The following TNFRSF21 variants were observed in gnomAD, a reference collection of about 807,000 sequenced individuals.
TNFRSF21 encodes TNF receptor superfamily member 21.
A neutral mutation model predicts 45.6 loss-of-function variants in TNFRSF21; 19 were observed. The ratio of observed to expected loss-of-function variants is 0.42; its 90% CI spans 0.29 to 0.61. TNFRSF21 has a LOEUF of 0.61. Ranked by LOEUF, TNFRSF21 falls within the 20% of genes least tolerant of loss-of-function variation. The pLI is 0.23. For missense variants in TNFRSF21, 737 were observed against 851.5 expected, an observed-to-expected ratio of 0.87 and a Z score of 1.67; for synonymous variants, 314 against 335.5, an observed-to-expected ratio of 0.94 and a Z score of 0.70.
In TNFRSF21 at chr6:47,254,509, A is replaced by C. The variant is rs552365534; in HGVS notation, c.1244-988T>G. Among the ~76,000 whole-genome samples the C allele has an allele frequency of 3.3e-5, 5 of 152,328 alleles. No individual in the cohort carries two copies. In the East Asian group the frequency reaches 7.7e-4, roughly 24 times the overall value. ...AGTAAGTTAGAGGCTCCCATCTAAAAACATGGTGACTTCATGACATTTAGA... is the reference window on the plus strand; with the variant it reads ...AGTAAGTTAGAGGCTCCCATCTAAACACATGGTGACTTCATGACATTTAGA... On this transcript the variant is annotated intron_variant, in intron 3 of 5. Coordinates refer to ENST00000296861, the MANE Select transcript of TNFRSF21 (RefSeq NM_014452.5).
intron 3 of TNFRSF21, among the ~76,000 whole-genome samples, chr6:47,266,570 G>A (rs770106983): frequency 1.2e-4 from 19 of 152,058 alleles, no homozygotes; most frequent in South Asian, 6.2e-4. Context: ...GTTAAGCAGC[G>A]TTATTTCCCC....
chr6:47,279,355 T>C (rs1762536739), intron 3 of TNFRSF21, among the ~76,000 whole-genome samples: 2 of 152,224 alleles, frequency 1.3e-5, no homozygotes, highest in South Asian at 4.1e-4. Context: ...AATTGGTTTC[T>C]GTTCTCAGCT....
chr6:47,303,135 C>T lies in TNFRSF21; in HGVS notation c.96+6281G>A, dbSNP rs1242223688. Among the ~76,000 whole-genome samples, 3 of 152,194 alleles carry T rather than the reference C, an allele frequency of 2.0e-5. 1 individual carries two copies. Among genetic ancestry groups the T allele is most frequent in the Non-Finnish European group, 4.4e-5 (3 of 68,044 alleles). Reference sequence around the variant, plus strand: ...TTTGATTCCTGGACTCATGGACTCACTCCTCTCCACTCTCCTAAATCCATT... The same window carrying T: ...TTTGATTCCTGGACTCATGGACTCATTCCTCTCCACTCTCCTAAATCCATT... On this transcript the variant is annotated intron_variant, in intron 1 of 5. Transcript: ENST00000296861.
At chr6:47,243,890 G>A (rs1466663906) in intron 4 of TNFRSF21, among the ~76,000 whole-genome samples, 1 of 151,206 alleles carries the variant, frequency 6.6e-6, no homozygotes, top group Non-Finnish European at 1.5e-5. Flanking sequence ...TCACTCTTTT[G>A]CTATTACACA....
At chr6:47,306,058 G>T (rs960146408) in intron 1 of TNFRSF21, among the ~76,000 whole-genome samples, 1 of 152,196 alleles carries the variant, frequency 6.6e-6, no homozygotes, top group African/African-American at 2.4e-5. Flanking sequence ...TGGAAGGTAA[G>T]CTTAGATTCT....
chr6:47,254,808 A>G (rs1764956245), intron 3 of TNFRSF21, among the ~76,000 whole-genome samples: 1 of 152,246 alleles, frequency 6.6e-6, no homozygotes, highest in African/African-American at 2.4e-5. Context: ...AATAGCTATT[A>G]TCTTCCAGGT....
Position 47,256,304 on chromosome 6 carries a change from G to A in TNFRSF21, c.1244-2783C>T, listed in dbSNP as rs865913750. ...TTTGGGAGGTTGAGGCAGGTGGATC[G>A]CTTGAGTCCAGGAGTTTGAGACCAG... On this transcript the variant is annotated intron_variant, in intron 3 of 5. Transcript: ENST00000296861. Among the ~76,000 whole-genome samples the A allele has an allele frequency of 9.2e-5, 14 of 152,242 alleles. No individual in the cohort carries two copies. The East Asian group carries it at 1.6e-3, about 17-fold the overall frequency.
At chr6:47,233,585 T>C (rs1057010918) in intron 5 of TNFRSF21, among the ~76,000 whole-genome samples, 1 of 151,862 alleles carries the variant, frequency 6.6e-6, no homozygotes, top group Non-Finnish European at 1.5e-5. Context: ...ATACCTTACA[T>C]TGGGATGAGG....
intron 1 of TNFRSF21, among the ~76,000 whole-genome samples, chr6:47,298,847 A>T (rs961834831): frequency 6.6e-6 from 1 of 152,228 alleles, no homozygotes; most frequent in Non-Finnish European, 1.5e-5. Context: ...TCAGAAAGGC[A>T]CAATCAATAT....
chr6:47,267,602 T>A (rs1762354149), intron 3 of TNFRSF21, among the ~76,000 whole-genome samples: 1 of 152,176 alleles, frequency 6.6e-6, no homozygotes, highest in South Asian at 2.1e-4. Flanking sequence ...TCTCCATGAA[T>A]GCTCCAGTAT....
In TNFRSF21 at chr6:47,234,701, C is replaced by T. The variant is rs756601693; in HGVS notation, c.1707G>A (p.Ala569=). 3 of 1,610,608 alleles carry T rather than the reference C, an allele frequency of 1.9e-6. No homozygotes were observed. The highest frequency in any genetic ancestry group is 2.5e-6 in the Non-Finnish European group (3 of 1,178,534). Residue 569 remains alanine, a synonymous_variant, in exon 5 of 6, where the codon GCG becomes GCA. Transcript: ENST00000296861. The part of the protein sequence containing the change: ...RCDSTSSGSS[A]LSRNGSFITK... The stretch of plus-strand genomic sequence containing the variant: ...TAATAAAGGAACCGTTCCTGCTCAG[C>T]GCGGAGGAGCCGCTGGATGTAGAGT...
At chr6:47,295,923 A>C (rs758450841) in intron 1 of TNFRSF21, among the ~76,000 whole-genome samples, 22 of 152,226 alleles carry the variant, frequency 1.4e-4, no homozygotes, top group Non-Finnish European at 2.4e-4. Flanking sequence ...AGGCAAGCTC[A>C]GGGGACACTG....
intron 2 of TNFRSF21, among the ~76,000 whole-genome samples, chr6:47,285,492 A>G (rs1762632140): frequency 6.6e-6 from 1 of 152,052 alleles, no homozygotes; most frequent in African/African-American, 2.4e-5. Flanking sequence ...TCGCTTCCGG[A>G]TGTAATGGTA....
intron 4 of TNFRSF21, 30 bp from the exon 5 acceptor site, chr6:47,234,928 A>C: frequency 8.1e-7 from 1 of 1,238,140 alleles, no homozygotes; most frequent in South Asian, 2.4e-5. Context: ...TTTTTATTAT[A>C]TATAGAAAAA....
At position 47,291,786 on chromosome 6, in the gene TNFRSF21, G is replaced by A. The variant is rs1224589469; in HGVS notation, c.97-5191C>T. 2.6e-5 allele frequency among the ~76,000 whole-genome samples: 4 copies of A among 152,292 alleles called. No homozygotes were observed. In the East Asian group the frequency reaches 7.7e-4, roughly 29 times the overall value. On this transcript the variant is annotated intron_variant, in intron 1 of 5. Coordinates refer to ENST00000296861, the MANE Select transcript of TNFRSF21 (RefSeq NM_014452.5). ...AAAATCACTGAACTAGAGGGACTTC[G>A]AAGGCCTCTTCCAATTCTGAAGTAA...
At chr6:47,296,463 T>G (rs1028116057) in intron 1 of TNFRSF21, among the ~76,000 whole-genome samples, 4 of 152,146 alleles carry the variant, frequency 2.6e-5, no homozygotes, top group African/African-American at 9.7e-5. Context: ...GTCTTTTGTA[T>G]GCTAATGAGA....
chr6:47,282,314 G>A (rs1315526057), intron 3 of TNFRSF21, among the ~76,000 whole-genome samples: 1 of 150,344 alleles, frequency 6.7e-6, no homozygotes. Context: ...GAACCTGGGA[G>A]GTGAAGTTGT....
intron 4 of TNFRSF21, among the ~76,000 whole-genome samples, chr6:47,242,397 T>G (rs1764757401): frequency 6.6e-6 from 1 of 152,216 alleles, no homozygotes. Flanking sequence ...TATAATTTTC[T>G]GTATATACCT....
intron 4 of TNFRSF21, among the ~76,000 whole-genome samples, chr6:47,245,832 T>C (rs1764816794): frequency 6.6e-6 from 1 of 152,170 alleles, no homozygotes; most frequent in African/African-American, 2.4e-5. Flanking sequence ...TTCTGCAAGC[T>C]GTATAGGAAG....
Sources: gnomAD v4.1 joint callset for allele counts (sites outside exome capture counted in the v4.1 genomes callset) on GRCh38, gnomAD v4.1.1 for gene constraint, MANE v1.5 for transcripts, NCBI Gene and HGNC (gene_info 2026-07-23, HGNC 2026-07-21) for gene names.